ZDHHC14: variants seen among roughly 807,000 people sequenced by gnomAD.
ZDHHC14 encodes the protein zDHHC palmitoyltransferase 14, also known as palmitoyltransferase ZDHHC14.
In ZDHHC14, 16 loss-of-function variants were observed where a neutral mutation model predicts 47.7. The observed-to-expected ratio is 0.34, with a 90% CI of 0.23 to 0.51. ZDHHC14 has a LOEUF of 0.51. Among genes scored for constraint, ZDHHC14 ranks in the 20% least tolerant of loss-of-function variants. ZDHHC14 has a pLI of 0.97. For synonymous variants in ZDHHC14, 293 were observed against 278.9 expected, an observed-to-expected ratio of 1.05 and a Z score of -0.50; for missense variants, 515 against 662.5, an observed-to-expected ratio of 0.78 and a Z score of 2.44.
intron 8 of ZDHHC14, among the ~76,000 whole-genome samples, chr6:157,654,797 A>G (rs560425902): frequency 1.3e-5 from 2 of 150,886 alleles, no homozygotes; most frequent in East Asian, 3.9e-4. Flanking sequence ...GTGCAGTGGC[A>G]TGATGTCAGC....
chr6:157,618,501 T>C (rs1785053455), intron 3 of ZDHHC14, among the ~76,000 whole-genome samples: 1 of 152,182 alleles, frequency 6.6e-6, no homozygotes, highest in Non-Finnish European at 1.5e-5. Context: ...TTTGTATTTT[T>C]AATACAGACG....
intron 1 of ZDHHC14, among the ~76,000 whole-genome samples, chr6:157,516,136 C>T (rs1780684316): frequency 6.6e-6 from 1 of 152,146 alleles, no homozygotes; most frequent in Admixed American, 6.5e-5. Context: ...TCTCTTTGCT[C>T]AACATATTTG....
At chr6:157,627,532 C>T (rs1162485112) in intron 3 of ZDHHC14, among the ~76,000 whole-genome samples, 2 of 152,146 alleles carry the variant, frequency 1.3e-5, no homozygotes, top group Admixed American at 1.3e-4. Flanking sequence ...ACTTTGTGTG[C>T]AGATGTCCAG....
At chr6:157,386,000 A>G (rs1361920578) in intron 1 of ZDHHC14, among the ~76,000 whole-genome samples, 2 of 152,218 alleles carry the variant, frequency 1.3e-5, no homozygotes, top group Non-Finnish European at 2.9e-5. Flanking sequence ...TATACAGTAT[A>G]GTATATACAG....
intron 8 of ZDHHC14, among the ~76,000 whole-genome samples, chr6:157,672,413 T>C (rs1303831106): frequency 6.6e-6 from 1 of 152,164 alleles, no homozygotes; most frequent in East Asian, 1.9e-4. Flanking sequence ...GTCCAAGAGA[T>C]TTTTTTAATT....
intron 1 of ZDHHC14, among the ~76,000 whole-genome samples, chr6:157,446,286 A>C (rs1778666030): frequency 6.6e-6 from 1 of 152,118 alleles, no homozygotes; most frequent in Non-Finnish European, 1.5e-5. Context: ...GCCCCTCTCG[A>C]GCCTTCTCCA....
chr6:157,611,203 T>C (rs1004257374), intron 3 of ZDHHC14, among the ~76,000 whole-genome samples: 5 of 152,112 alleles, frequency 3.3e-5, no homozygotes, highest in African/African-American at 7.2e-5. Flanking sequence ...TTTCACCATA[T>C]TGGCCAGGTT....
chr6:157,632,033 CGGT>C (rs573740134), intron 4 of ZDHHC14: 1 of 152,354 alleles, frequency 6.6e-6, no homozygotes, highest in African/African-American at 2.4e-5. Context: ...CATGGGGACA[CGGT>C]GGCCACTCAC....
intron 1 of ZDHHC14, among the ~76,000 whole-genome samples, chr6:157,453,788 T>TTTTTTTTTTTTGTGTGTGTGTGTG (rs3220439): frequency 4.2e-4 from 62 of 148,192 alleles, no homozygotes; most frequent in African/African-American, 1.4e-3. Flanking sequence ...TTTTTGTGTT[T>TTTTTTTTTTTTGTGTGTGTGTGTG]TGTGTGTGTG....
intron 5 of ZDHHC14, among the ~76,000 whole-genome samples, chr6:157,645,465 AGT>A (rs964787721): frequency 8.5e-5 from 13 of 152,120 alleles, no homozygotes; most frequent in African/African-American, 3.1e-4. Context: ...AGAGGAAAGA[AGT>A]GAGTAGGTGA....
At chr6:157,670,287 T>G (rs1199150106) in intron 8 of ZDHHC14, among the ~76,000 whole-genome samples, 1 of 152,168 alleles carries the variant, frequency 6.6e-6, no homozygotes, top group African/African-American at 2.4e-5. Flanking sequence ...CCCTTCCAAG[T>G]ACTTTTTATT....
intron 1 of ZDHHC14, among the ~76,000 whole-genome samples, chr6:157,429,487 T>A (rs1288139852): frequency 6.6e-6 from 1 of 151,860 alleles, no homozygotes; most frequent in East Asian, 1.9e-4. Flanking sequence ...TTGAGGATGA[T>A]TGACTCATTT....
At chr6:157,644,677 A>G (rs915212566) in intron 5 of ZDHHC14, among the ~76,000 whole-genome samples, 1 of 152,218 alleles carries the variant, frequency 6.6e-6, no homozygotes, top group Non-Finnish European at 1.5e-5. Flanking sequence ...GAAGATCATC[A>G]CTGACATGTT....
At position 157,673,017 on chromosome 6, in the gene ZDHHC14, C is replaced by T; in HGVS notation, c.1362C>T (p.Gly454=). Residue 454 remains glycine, a synonymous_variant, in exon 9 of 9, where the codon GGC becomes GGT. Coordinates refer to ENST00000359775, the MANE Select transcript of ZDHHC14 (RefSeq NM_024630.3). This position sits in a 1 kb window ranked among gnomAD's most constrained non-coding sequence, Gnocchi z 5.4. ...APSPPRLLAA[G]SPLAHSRTMH... Reference sequence around the variant, plus strand: ...CGCCCCCCAGGCTACTGGCGGCGGGCAGCCCCCTGGCGCACAGCCGCACCA... The same window carrying T: ...CGCCCCCCAGGCTACTGGCGGCGGGTAGCCCCCTGGCGCACAGCCGCACCA... 1.3e-6 allele frequency: 2 copies of T among 1,569,156 alleles called. No individual in the cohort carries two copies. The highest frequency in any genetic ancestry group is 1.7e-6 in the Non-Finnish European group (2 of 1,163,224).
chr6:157,388,546 ATACT>A (rs1333377393), intron 1 of ZDHHC14, among the ~76,000 whole-genome samples: 8 of 152,344 alleles, frequency 5.3e-5, no homozygotes, highest in Middle Eastern at 3.4e-3. Context: ...TGATCAATAG[ATACT>A]TAATTAGTTA....
intron 1 of ZDHHC14, among the ~76,000 whole-genome samples, chr6:157,496,420 G>A (rs1409350213): frequency 6.6e-6 from 1 of 152,170 alleles, no homozygotes; most frequent in Non-Finnish European, 1.5e-5. Flanking sequence ...AAAAAGATAT[G>A]TTGGAGTCCT....
intron 1 of ZDHHC14, among the ~76,000 whole-genome samples, chr6:157,534,416 G>T (rs529900220): frequency 4.6e-5 from 7 of 152,244 alleles, no homozygotes; most frequent in Non-Finnish European, 8.8e-5. Flanking sequence ...TGGGGCATGT[G>T]GTTGCCATGC....
At chr6:157,625,334 G>A (rs1396487547) in intron 3 of ZDHHC14, among the ~76,000 whole-genome samples, 5 of 152,160 alleles carry the variant, frequency 3.3e-5, no homozygotes, top group Admixed American at 1.3e-4. Context: ...GAAGAGGCAC[G>A]TGTTTGGGGA....
Position 157,427,549 on chromosome 6 carries a change from G to A in ZDHHC14, c.245+45283G>A, listed in dbSNP as rs1442764986. ...AGAGCAAATGCAGGACCAGGAGGCT[G>A]GAAAGTCAACAGCAATGGCAAAAGG... is the stretch of plus-strand genomic sequence containing the variant. On this transcript the variant is annotated intron_variant, in intron 1 of 8. Transcript: ENST00000359775. This position sits in a 1 kb window ranked among gnomAD's most constrained non-coding sequence, Gnocchi z 4.4. Among the ~76,000 whole-genome samples, 1 of 152,100 alleles carries A rather than the reference G, an allele frequency of 6.6e-6. No homozygotes were observed. Among genetic ancestry groups the A allele is most frequent in the African/African-American group, 2.4e-5 (1 of 41,396 alleles).
Sources: allele counts gnomAD v4.1 joint callset (sites outside exome capture counted in the v4.1 genomes callset), GRCh38; gene constraint gnomAD v4.1.1; non-coding constraint Gnocchi (gnomAD v3.1); transcripts MANE v1.5; gene names NCBI Gene and HGNC (gene_info 2026-07-23, HGNC 2026-07-21).